CNTN5: variants seen among roughly 807,000 people sequenced by gnomAD.
CNTN5 encodes the protein contactin 5.
In CNTN5, 77 loss-of-function variants were observed where a neutral mutation model predicts 129.1. The ratio of observed to expected loss-of-function variants is 0.60; its 90% CI spans 0.50 to 0.72. The LOEUF is 0.72. CNTN5 is among the 30% of genes least tolerant of loss of function. The pLI, the probability that CNTN5 is intolerant of heterozygous loss-of-function variation, is 0.00. For synonymous variants in CNTN5, 509 were observed against 465.6 expected (o/e 1.09, Z -1.20); for missense variants, 1,478 against 1,328.8 (o/e 1.11, Z -1.75).
At chr11:99,233,640 G>A (rs574801477) in intron 1 of CNTN5, among the ~76,000 whole-genome samples, 4 of 152,048 alleles carry the variant, frequency 2.6e-5, no homozygotes, top group Middle Eastern at 3.2e-3. Context: ...AATTTTAATC[G>A]TATGTGTATT....
chr11:99,819,302 TCCCTCCCCTCTCCTCCCCTC>T (rs1946696952), intron 3 of CNTN5, among the ~76,000 whole-genome samples: 2 of 4,794 alleles, frequency 4.2e-4, no homozygotes, highest in Non-Finnish European at 4.2e-4. Flanking sequence ...CTCCTCCCCT[TCCCTCCCCTCTCCTCCCCTC>T]CCCTCCCCTC....
At chr11:100,145,125 CT>C (rs1456277661) in intron 13 of CNTN5, among the ~76,000 whole-genome samples, 1 of 151,340 alleles carries the variant, frequency 6.6e-6, no homozygotes, top group Non-Finnish European at 1.5e-5. Flanking sequence ...TTCTTGATGT[CT>C]CATTTTTGAT....
intron 2 of CNTN5, among the ~76,000 whole-genome samples, chr11:99,394,013 A>G (rs552818750): frequency 6.6e-6 from 1 of 151,866 alleles, no homozygotes; most frequent in East Asian, 1.9e-4. Flanking sequence ...TTCTTTCTTA[A>G]CGAGTCTTTA....
chr11:100,285,257 T>C (rs902146442), intron 18 of CNTN5, among the ~76,000 whole-genome samples: 1 of 152,220 alleles, frequency 6.6e-6, no homozygotes, highest in African/African-American at 2.4e-5. Flanking sequence ...AACACGTTTG[T>C]TGATACAGTA....
At chr11:99,872,545 G>A (rs1461115834) in intron 6 of CNTN5, among the ~76,000 whole-genome samples, 2 of 152,068 alleles carry the variant, frequency 1.3e-5, no homozygotes, top group East Asian at 3.9e-4. Context: ...ATACCCTGCA[G>A]AAGAGAAAAG....
At chr11:99,985,199 G>A (rs913167266) in intron 8 of CNTN5, among the ~76,000 whole-genome samples, 10 of 152,094 alleles carry the variant, frequency 6.6e-5, no homozygotes, top group African/African-American at 2.4e-4. Flanking sequence ...CCCTGTACTC[G>A]GTGGTTCCTG....
At chr11:99,836,723 C>T (rs1318450434) in intron 4 of CNTN5, among the ~76,000 whole-genome samples, 7 of 152,190 alleles carry the variant, frequency 4.6e-5, no homozygotes, top group Non-Finnish European at 7.3e-5. Context: ...GCCACACTGT[C>T]TTCCACAATG....
intron 8 of CNTN5, among the ~76,000 whole-genome samples, chr11:99,990,485 T>C (rs761256426): frequency 0.013 from 1,130 of 88,620 alleles, 10 homozygotes; most frequent in South Asian, 0.017. Context: ...CACACACACA[T>C]ACATACTAGT....
At chr11:99,544,869 A>G (rs1047801388) in intron 2 of CNTN5, among the ~76,000 whole-genome samples, 1 of 152,190 alleles carries the variant, frequency 6.6e-6, no homozygotes, top group African/African-American at 2.4e-5. Flanking sequence ...GGGGGAAAAA[A>G]TCAATAATAG....
intron 1 of CNTN5, among the ~76,000 whole-genome samples, chr11:99,159,235 T>A (rs1225962978): frequency 6.6e-6 from 1 of 152,198 alleles, no homozygotes; most frequent in Non-Finnish European, 1.5e-5. Context: ...TTTTTAAAAA[T>A]ATATATCTAA....
chr11:100,130,445 G>T (rs1446857377), intron 13 of CNTN5, among the ~76,000 whole-genome samples: 2 of 152,160 alleles, frequency 1.3e-5, no homozygotes, highest in Admixed American at 6.6e-5. Context: ...ATATGGAAAA[G>T]AATATTTTCT....
intron 3 of CNTN5, among the ~76,000 whole-genome samples, chr11:99,614,935 C>T (rs1463881173): frequency 6.6e-6 from 1 of 151,300 alleles, no homozygotes; most frequent in Non-Finnish European, 1.5e-5. Context: ...CTAAGAATGG[C>T]CGTACTGTTG....
chr11:99,784,506 C>T (rs772942894), intron 3 of CNTN5, among the ~76,000 whole-genome samples: 4 of 152,074 alleles, frequency 2.6e-5, no homozygotes, highest in Non-Finnish European at 4.4e-5. Context: ...CAAGTCTTTC[C>T]TATTGTGAAT....
chr11:100,021,244 T>C lies in CNTN5; in HGVS notation c.980+19108T>C, dbSNP rs182481128. On this transcript the variant is annotated intron_variant, in intron 9 of 24. Coordinates refer to ENST00000524871, the MANE Select transcript of CNTN5 (RefSeq NM_014361.4). Reference sequence around the variant, plus strand: ...TTGTCTTATGACAAAGAATTTGTTGTATTTTGGTAAATGACTTATGTGCAC... The same window carrying C: ...TTGTCTTATGACAAAGAATTTGTTGCATTTTGGTAAATGACTTATGTGCAC... Among the ~76,000 whole-genome samples, 9 of 152,318 alleles carry C rather than the reference T, an allele frequency of 5.9e-5. No individual in the cohort carries two copies. In the East Asian group the frequency reaches 1.5e-3, roughly 26 times the overall value.
At chr11:100,045,730 AAAAAG>A (rs1463503627) in intron 9 of CNTN5, among the ~76,000 whole-genome samples, 1 of 151,842 alleles carries the variant, frequency 6.6e-6, no homozygotes, top group Non-Finnish European at 1.5e-5. Context: ...TAAAAAAAAA[AAAAAG>A]AGTTCTGCTA....
At chr11:99,026,917 A>T (rs1421967828) in intron 1 of CNTN5, among the ~76,000 whole-genome samples, 1 of 151,560 alleles carries the variant, frequency 6.6e-6, no homozygotes, top group Non-Finnish European at 1.5e-5. Context: ...CCTTGTTGCC[A>T]CTGATTATAC....
intron 12 of CNTN5, 111 bp downstream of exon 12, chr11:100,071,945 G>T: frequency 9.9e-7 from 1 of 1,011,136 alleles, no homozygotes; most frequent in Non-Finnish European, 1.4e-6. Context: ...CTATTTTATG[G>T]CTTGAAAAGA....
intron 1 of CNTN5, among the ~76,000 whole-genome samples, chr11:99,183,235 C>T (rs927384566): frequency 2.0e-5 from 3 of 152,132 alleles, no homozygotes; most frequent in African/African-American, 7.2e-5. Flanking sequence ...GCTTATCAGG[C>T]AGTGATGAAA....
chr11:99,850,123 T>G (rs1383851357), intron 6 of CNTN5, among the ~76,000 whole-genome samples: 1 of 152,140 alleles, frequency 6.6e-6, no homozygotes, highest in Non-Finnish European at 1.5e-5. Context: ...TACAGAAGTT[T>G]AACAGTTTAG....
Sources: gnomAD v4.1 joint callset for allele counts (sites outside exome capture counted in the v4.1 genomes callset) on GRCh38, gnomAD v4.1.1 for gene constraint, MANE v1.5 for transcripts, NCBI Gene and HGNC (gene_info 2026-07-23, HGNC 2026-07-21) for gene names.